Variants in ADGRB3 observed in about 807,000 individuals in gnomAD.
ADGRB3 encodes brain-specific angiogenesis inhibitor 3.
ADGRB3 carries 37 observed loss-of-function variants against 193.4 expected under a neutral mutation model. That is an observed-to-expected ratio of 0.19 (90% CI 0.15 to 0.25). The LOEUF (loss-of-function observed/expected upper bound fraction) is 0.25. ADGRB3 is among the 10% of genes least tolerant of loss of function. ADGRB3 has a pLI of 1.00. For synonymous variants in ADGRB3, 690 were observed against 644.2 expected (o/e 1.07, Z -1.08); for missense variants, 1,637 against 1,852.9 (o/e 0.88, Z 2.14).
chr6:68,639,183 G>A lies in ADGRB3; in HGVS notation c.508G>A (p.Val170Ile). The A allele has an allele frequency of 5.0e-6, 8 of 1,614,188 alleles. No individual in the cohort carries two copies. The highest frequency in any genetic ancestry group is 6.8e-6 in the Non-Finnish European group (8 of 1,180,036). ...CAGCCCAAGCCAGTTTGGTTGCCAT[G>A]TATTATGTACTTGGTTGGAGAGCTG... is the stretch of plus-strand genomic sequence containing the variant. ...KVSPSQFGCH[V>I]LCTWLESCLK... The change falls in exon 3 of 32, where the codon GTA (valine) becomes ATA (isoleucine). Residue 170 changes from valine to isoleucine, a missense_variant. Around this residue, in one of 7 missense-constraint regions of ADGRB3, gnomAD observed 365 missense variants for 409.8 expected, o/e 0.89. Transcript: ENST00000370598.
chr6:68,926,171 T>C (rs1232042294), intron 3 of ADGRB3, among the ~76,000 whole-genome samples: 2 of 152,124 alleles, frequency 1.3e-5, no homozygotes, highest in Non-Finnish European at 2.9e-5. Flanking sequence ...GTTTGATAAA[T>C]AAATATTGAA....
intron 3 of ADGRB3, among the ~76,000 whole-genome samples, chr6:68,901,711 C>T (rs1020168673): frequency 1.1e-4 from 16 of 151,922 alleles, no homozygotes; most frequent in African/African-American, 3.9e-4. Context: ...CTTAAAATAG[C>T]TATATATACT....
chr6:69,068,034 T>G (rs1379909293), intron 16 of ADGRB3, among the ~76,000 whole-genome samples: 2 of 152,188 alleles, frequency 1.3e-5, no homozygotes, highest in East Asian at 3.8e-4. Flanking sequence ...TGTTATAATC[T>G]GAAAGCAGCC....
chr6:68,992,484 T>G (rs1464816518), intron 10 of ADGRB3, among the ~76,000 whole-genome samples: 3 of 152,134 alleles, frequency 2.0e-5, no homozygotes, highest in African/African-American at 7.2e-5. Flanking sequence ...CAATTAGCAC[T>G]GACACTACAG....
intron 20 of ADGRB3, among the ~76,000 whole-genome samples, chr6:69,313,653 C>G (rs1768246437): frequency 6.6e-6 from 1 of 151,680 alleles, no homozygotes; most frequent in African/African-American, 2.4e-5. Context: ...CCTGAGGGCA[C>G]AAACCTACTG....
At chr6:68,736,794 A>G (rs955984993) in intron 3 of ADGRB3, among the ~76,000 whole-genome samples, 4 of 152,012 alleles carry the variant, frequency 2.6e-5, no homozygotes, top group Non-Finnish European at 4.4e-5. Context: ...TTATTTTTAC[A>G]TTTTTTAATA....
At chr6:69,211,816 C>T (rs947749820) in intron 17 of ADGRB3, among the ~76,000 whole-genome samples, 7 of 152,168 alleles carry the variant, frequency 4.6e-5, no homozygotes, top group African/African-American at 1.7e-4. Context: ...CTGCTATCCA[C>T]TGTTTCATCT....
At chr6:69,018,829 T>C (rs1342824148) in intron 13 of ADGRB3, among the ~76,000 whole-genome samples, 1 of 151,884 alleles carries the variant, frequency 6.6e-6, no homozygotes, top group Non-Finnish European at 1.5e-5. Context: ...GTTATGAATG[T>C]GTGTGTGTGT....
chr6:69,152,420 A>T (rs922357518), intron 17 of ADGRB3, among the ~76,000 whole-genome samples: 2 of 152,200 alleles, frequency 1.3e-5, no homozygotes, highest in African/African-American at 4.8e-5. Flanking sequence ...ATGTTCTCCT[A>T]TTATGTAAAT....
chr6:68,684,293 T>C (rs945130732), intron 3 of ADGRB3, among the ~76,000 whole-genome samples: 2 of 152,082 alleles, frequency 1.3e-5, no homozygotes, highest in Non-Finnish European at 2.9e-5. Context: ...CTGAATGTTA[T>C]TTATTTTTTT....
At chr6:69,006,414 A>G (rs953791653) in intron 11 of ADGRB3, among the ~76,000 whole-genome samples, 1 of 152,128 alleles carries the variant, frequency 6.6e-6, no homozygotes, top group Admixed American at 6.5e-5. Flanking sequence ...GCACCAACCT[A>G]TACACTGTAT....
At chr6:68,701,744 A>T (rs567203526) in intron 3 of ADGRB3, among the ~76,000 whole-genome samples, 1 of 152,254 alleles carries the variant, frequency 6.6e-6, no homozygotes, top group South Asian at 2.1e-4. Context: ...CTGTGCAGTG[A>T]AAAACATTTA....
intron 17 of ADGRB3, among the ~76,000 whole-genome samples, chr6:69,152,841 C>G (rs1280554247): frequency 2.6e-5 from 4 of 152,020 alleles, no homozygotes; most frequent in African/African-American, 9.7e-5. Context: ...TTATGCTGTA[C>G]TGTAATAGTA....
At chr6:68,883,988 G>A (rs62416402) in intron 3 of ADGRB3, among the ~76,000 whole-genome samples, 14,241 of 152,208 alleles carry the variant, frequency 0.094, 881 homozygotes, top group Non-Finnish European at 0.13. Flanking sequence ...TTGATGGTGT[G>A]AACAAGAAAG....
intron 11 of ADGRB3, among the ~76,000 whole-genome samples, chr6:68,999,364 A>C (rs1769494092): frequency 6.7e-6 from 1 of 150,004 alleles, no homozygotes; most frequent in African/African-American, 2.5e-5. Flanking sequence ...TCCCGGGTTC[A>C]CGCCATTCTC....
chr6:69,319,436 A>G (rs1768394974), intron 20 of ADGRB3, among the ~76,000 whole-genome samples: 1 of 151,382 alleles, frequency 6.6e-6, no homozygotes, highest in East Asian at 1.9e-4. Flanking sequence ...TTTATGTACA[A>G]TATTACAAAG....
chr6:68,713,879 A>G (rs1190415673), intron 3 of ADGRB3, among the ~76,000 whole-genome samples: 1 of 151,780 alleles, frequency 6.6e-6, no homozygotes, highest in East Asian at 1.9e-4. Context: ...TTATATAATC[A>G]TTATATAGAT....
chr6:68,775,775 C>G (rs529809928), intron 3 of ADGRB3, among the ~76,000 whole-genome samples: 16 of 152,228 alleles, frequency 1.1e-4, no homozygotes, highest in African/African-American at 3.4e-4. Flanking sequence ...GAGAAATTTC[C>G]CCTCTTCTCC....
chr6:68,995,118 C>T (rs1769347076), intron 11 of ADGRB3, among the ~76,000 whole-genome samples: 1 of 152,144 alleles, frequency 6.6e-6, no homozygotes, highest in South Asian at 2.1e-4. Context: ...AGTACATTGC[C>T]TGGAGTGGAT....
Sources: allele counts gnomAD v4.1 joint callset (sites outside exome capture counted in the v4.1 genomes callset), GRCh38; gene constraint gnomAD v4.1.1; regional missense constraint gnomAD v4.1.1; transcripts MANE v1.5; gene names NCBI Gene and HGNC (gene_info 2026-07-23, HGNC 2026-07-21).